Variants in SPRED2 observed in about 807,000 individuals in gnomAD.
SPRED2 encodes the protein sprouty related EVH1 domain containing 2, also known as sprouty-related, EVH1 domain-containing protein 2.
SPRED2 carries 47 observed loss-of-function variants against 43.0 expected under a neutral mutation model. The ratio of observed to expected loss-of-function variants is 1.09; its 90% CI spans 0.87 to 1.40. SPRED2 has a LOEUF of 1.40. Among genes scored for constraint, SPRED2 ranks in the 40% most tolerant of loss-of-function variants. The pLI is 0.00. For missense variants in SPRED2, 561 were observed against 586.4 expected (o/e 0.96, Z 0.45); for synonymous variants, 225 against 225.7 (o/e 1.00, Z 0.03).
At chr2:65,397,729 G>T (rs1269495738) in intron 1 of SPRED2, among the ~76,000 whole-genome samples, 2 of 150,918 alleles carry the variant, frequency 1.3e-5, no homozygotes, top group East Asian at 3.9e-4. Context: ...ATCTTAGCTA[G>T]ACTCCTTTAG....
intron 1 of SPRED2, among the ~76,000 whole-genome samples, chr2:65,372,721 G>T (rs1388487679): frequency 6.6e-6 from 1 of 152,194 alleles, no homozygotes; most frequent in Admixed American, 6.5e-5. Context: ...GCTGAACAAT[G>T]AGGTCTGAGC....
chr2:65,364,582 T>C (rs2104324750), intron 1 of SPRED2, among the ~76,000 whole-genome samples: 1 of 152,350 alleles, frequency 6.6e-6, no homozygotes, highest in African/African-American at 2.4e-5. Flanking sequence ...ATGGTCAGTA[T>C]ACCCTCTGTG....
intron 1 of SPRED2, among the ~76,000 whole-genome samples, chr2:65,389,586 T>C (rs1204683140): frequency 1.3e-5 from 2 of 152,224 alleles, no homozygotes; most frequent in Non-Finnish European, 2.9e-5. Context: ...ACATCACCCA[T>C]AGCTAAAAAG....
At chr2:65,337,369 A>T (rs1212501862) in intron 2 of SPRED2, among the ~76,000 whole-genome samples, 1 of 152,204 alleles carries the variant, frequency 6.6e-6, no homozygotes, top group Non-Finnish European at 1.5e-5. Context: ...AATAAGATGC[A>T]TACGGAGAAA....
intron 1 of SPRED2, among the ~76,000 whole-genome samples, chr2:65,391,029 AGT>A (rs2103684359): frequency 6.6e-6 from 1 of 150,624 alleles, no homozygotes; most frequent in East Asian, 2.0e-4. Flanking sequence ...CAGAGGCTGC[AGT>A]GAGCCAGGTT....
chr2:65,376,169 A>G (rs1446012705), intron 1 of SPRED2, among the ~76,000 whole-genome samples: 1 of 152,190 alleles, frequency 6.6e-6, no homozygotes, highest in Non-Finnish European at 1.5e-5. Flanking sequence ...CCTGTTCCCT[A>G]CAGTTAAACT....
chr2:65,314,987 A>T (rs1482844071), intron 5 of SPRED2, among the ~76,000 whole-genome samples: 1 of 152,172 alleles, frequency 6.6e-6, no homozygotes, highest in Non-Finnish European at 1.5e-5. Flanking sequence ...GAAACCTGCA[A>T]ATCTAAGCTG....
chr2:65,350,019 C>T (rs1674465136), intron 1 of SPRED2, among the ~76,000 whole-genome samples: 1 of 152,258 alleles, frequency 6.6e-6, no homozygotes, highest in Admixed American at 6.5e-5. Context: ...AGCTGCATGG[C>T]TGCGTGCCAA....
intron 1 of SPRED2, among the ~76,000 whole-genome samples, chr2:65,429,798 C>T (rs1676635811): frequency 6.6e-6 from 1 of 152,204 alleles, no homozygotes. Flanking sequence ...CTAAGTGAAA[C>T]TAGAACTCCT....
chr2:65,370,398 C>T (rs1675095673), intron 1 of SPRED2, among the ~76,000 whole-genome samples: 1 of 152,168 alleles, frequency 6.6e-6, no homozygotes, highest in Admixed American at 6.5e-5. Context: ...GCCAGCCACA[C>T]ATTCGAGTGT....
intron 1 of SPRED2, among the ~76,000 whole-genome samples, chr2:65,393,893 C>G (rs1273127293): frequency 2.6e-5 from 4 of 152,196 alleles, no homozygotes; most frequent in African/African-American, 9.6e-5. Flanking sequence ...GTCAAAGCTG[C>G]ATTCCAGTTG....
At chr2:65,343,426 T>C (rs1674247338) in intron 2 of SPRED2, among the ~76,000 whole-genome samples, 1 of 152,258 alleles carries the variant, frequency 6.6e-6, no homozygotes, top group African/African-American at 2.4e-5. Flanking sequence ...TTATCTATTT[T>C]CTAAATTTTT....
chr2:65,395,381 C>T (rs1471975837), intron 1 of SPRED2, among the ~76,000 whole-genome samples: 1 of 152,144 alleles, frequency 6.6e-6, no homozygotes, highest in African/African-American at 2.4e-5. Context: ...CCCTTCTCTC[C>T]AGGGTTCTCA....
At chr2:65,354,413 T>C (rs1413816943) in intron 1 of SPRED2, among the ~76,000 whole-genome samples, 1 of 152,222 alleles carries the variant, frequency 6.6e-6, no homozygotes, top group Non-Finnish European at 1.5e-5. Flanking sequence ...CAAAGTTACA[T>C]TAGACTCACT....
chr2:65,378,667 A>G (rs997213372), intron 1 of SPRED2, among the ~76,000 whole-genome samples: 1 of 152,252 alleles, frequency 6.6e-6, no homozygotes, highest in Non-Finnish European at 1.5e-5. Context: ...AGATGATAAG[A>G]GTTGGTGACC....
At chr2:65,388,828 C>T (rs1380303039) in intron 1 of SPRED2, among the ~76,000 whole-genome samples, 1 of 152,148 alleles carries the variant, frequency 6.6e-6, no homozygotes, top group African/African-American at 2.4e-5. Context: ...TATAAAGGCC[C>T]TATTCTTTAA....
chr2:65,361,495 A>G (rs1674813159), intron 1 of SPRED2, among the ~76,000 whole-genome samples: 1 of 152,258 alleles, frequency 6.6e-6, no homozygotes, highest in Non-Finnish European at 1.5e-5. Context: ...TAGAAAGAAC[A>G]CTTACAATGT....
chr2:65,395,646 G>C (rs75416356), intron 1 of SPRED2, among the ~76,000 whole-genome samples: 2 of 152,140 alleles, frequency 1.3e-5, no homozygotes, highest in Non-Finnish European at 2.9e-5. Flanking sequence ...ATGTGTACTC[G>C]GTTTCCTTAT....
chr2:65,339,371 T>C (rs1030577992), intron 2 of SPRED2, among the ~76,000 whole-genome samples: 2 of 151,890 alleles, frequency 1.3e-5, no homozygotes, highest in Non-Finnish European at 2.9e-5. Flanking sequence ...TTTCATTTTG[T>C]TTTGTACCAA....
Sources: allele counts gnomAD v4.1 joint callset (sites outside exome capture counted in the v4.1 genomes callset), GRCh38; gene constraint gnomAD v4.1.1; transcripts MANE v1.5; gene names NCBI Gene and HGNC (gene_info 2026-07-23, HGNC 2026-07-21).